The following LCORL variants were observed in gnomAD, a reference collection of about 807,000 sequenced individuals.
The protein encoded by LCORL is ligand-dependent nuclear receptor corepressor-like protein.
Under a neutral mutation model 141.8 loss-of-function variants are expected in LCORL, and 41 were observed. The observed-to-expected ratio is 0.29, with a 90% CI of 0.23 to 0.38. The LOEUF (loss-of-function observed/expected upper bound fraction) is 0.38. LCORL is among the 10% of genes least tolerant of loss of function. The pLI, the probability that LCORL is intolerant of heterozygous loss-of-function variation, is 1.00. For missense variants in LCORL, 1,759 were observed against 2,035.0 expected (o/e 0.86, Z 2.61); for synonymous variants, 618 against 694.1 (o/e 0.89, Z 1.72).
intron 5 of LCORL, among the ~76,000 whole-genome samples, chr4:17,905,225 T>C (rs1419711478): frequency 1.3e-5 from 2 of 152,162 alleles, no homozygotes; most frequent in Non-Finnish European, 2.9e-5. Flanking sequence ...CTTTAGGTTA[T>C]AATGTCTTTG....
chr4:17,933,164 A>G (rs1577462768), intron 4 of LCORL, among the ~76,000 whole-genome samples: 1 of 152,130 alleles, frequency 6.6e-6, no homozygotes, highest in Non-Finnish European at 1.5e-5. Context: ...TTCTGTGTCA[A>G]TAATCCCAGG....
intron 1 of LCORL, among the ~76,000 whole-genome samples, chr4:17,981,484 C>T (rs1056797919): frequency 6.6e-6 from 1 of 152,100 alleles, no homozygotes; most frequent in Non-Finnish European, 1.5e-5. Context: ...CAGCCAGACA[C>T]GGTGGCTCAC....
intron 4 of LCORL, chr4:17,912,454 G>T: frequency 5.3e-6 from 3 of 570,746 alleles, no homozygotes; most frequent in Non-Finnish European, 1.0e-5. Flanking sequence ...AGACATCTGG[G>T]CCCAATACGA....
intron 4 of LCORL, among the ~76,000 whole-genome samples, chr4:17,942,846 G>A (rs1038284132): frequency 6.6e-6 from 1 of 151,290 alleles, no homozygotes; most frequent in East Asian, 1.9e-4. Context: ...ATAGCAGGAG[G>A]TGAGCAGCCA....
intron 1 of LCORL, among the ~76,000 whole-genome samples, chr4:18,013,717 ATAC>A (rs1724171400): frequency 6.6e-6 from 1 of 152,236 alleles, no homozygotes; most frequent in Non-Finnish European, 1.5e-5. Flanking sequence ...CACCTTGCAC[ATAC>A]TAGTCAGAAA....
chr4:17,901,924 A>G (rs1730944825), intron 5 of LCORL, among the ~76,000 whole-genome samples: 1 of 152,082 alleles, frequency 6.6e-6, no homozygotes, highest in Non-Finnish European at 1.5e-5. Flanking sequence ...AAGAATAAGA[A>G]TATCAATGTG....
chr4:17,887,930 C>G (rs1381472687), intron 5 of LCORL, among the ~76,000 whole-genome samples: 1 of 152,068 alleles, frequency 6.6e-6, no homozygotes, highest in Non-Finnish European at 1.5e-5. Context: ...CCGGCAACCC[C>G]TCCTAATTCT....
chr4:17,881,379 C>T, intron 6 of LCORL: 1 of 979,664 alleles, frequency 1.0e-6, no homozygotes, highest in Non-Finnish European at 1.2e-6. Flanking sequence ...CCTGCCTTTC[C>T]TAGTTTGTAT....
At chr4:17,862,669 AT>A (rs1300622746) in intron 7 of LCORL, among the ~76,000 whole-genome samples, 3 of 152,242 alleles carry the variant, frequency 2.0e-5, no homozygotes, top group Admixed American at 2.0e-4. Flanking sequence ...CTGGCTAGCC[AT>A]ATACAGAAGA....
chr4:17,904,096 CCTAA>C (rs1275766624), intron 5 of LCORL, among the ~76,000 whole-genome samples: 11 of 151,822 alleles, frequency 7.2e-5, no homozygotes, highest in African/African-American at 2.7e-4. Flanking sequence ...TAGATATGAG[CCTAA>C]CTATTAGAGT....
chr4:17,892,077 T>C (rs1269302093), intron 5 of LCORL, among the ~76,000 whole-genome samples: 3 of 152,214 alleles, frequency 2.0e-5, no homozygotes, highest in Non-Finnish European at 4.4e-5. Flanking sequence ...AAAATTGTTT[T>C]GATTGTTACT....
At chr4:17,901,792 A>G (rs1385688084) in intron 5 of LCORL, among the ~76,000 whole-genome samples, 1 of 152,158 alleles carries the variant, frequency 6.6e-6, no homozygotes, top group African/African-American at 2.4e-5. Context: ...AAAAAGCATA[A>G]CAAGACCAAA....
chr4:17,905,264 T>C (rs1461232783), intron 5 of LCORL, among the ~76,000 whole-genome samples: 1 of 152,120 alleles, frequency 6.6e-6, no homozygotes, highest in Non-Finnish European at 1.5e-5. Flanking sequence ...TATTATTCTT[T>C]GTTTGATATT....
At chr4:17,892,197 ATTTTTTTTTTTCTTTTT>A (rs1729187417) in intron 5 of LCORL, among the ~76,000 whole-genome samples, 3 of 119,700 alleles carry the variant, frequency 2.5e-5, no homozygotes. Flanking sequence ...GTCAAATAGT[ATTTTTTTTTTTCTTTTT>A]TTTTTTTTTT....
intron 2 of LCORL, among the ~76,000 whole-genome samples, chr4:17,967,559 TA>T (rs1225815909): frequency 1.3e-5 from 2 of 152,156 alleles, no homozygotes; most frequent in African/African-American, 4.8e-5. Flanking sequence ...ATATTTTAGT[TA>T]AAAAAATTAA....
At chr4:17,970,589 C>A (rs1419840975) in intron 2 of LCORL, among the ~76,000 whole-genome samples, 1 of 152,180 alleles carries the variant, frequency 6.6e-6, no homozygotes, top group African/African-American at 2.4e-5. Context: ...CAGACAGCAG[C>A]CAGGAGCCCA....
chr4:17,932,978 T>C (rs1334178829), intron 4 of LCORL, among the ~76,000 whole-genome samples: 1 of 152,190 alleles, frequency 6.6e-6, no homozygotes, highest in African/African-American at 2.4e-5. Flanking sequence ...TTTCACTTAT[T>C]CTTTAACTTC....
intron 7 of LCORL, among the ~76,000 whole-genome samples, chr4:17,854,495 T>C (rs781053249): frequency 1.4e-4 from 21 of 152,194 alleles, no homozygotes; most frequent in Non-Finnish European, 1.2e-4. Flanking sequence ...ATTCTCATAA[T>C]CAGATATAAA....
At chr4:17,915,798 AGTT>A (rs1332750836) in intron 4 of LCORL, among the ~76,000 whole-genome samples, 1 of 152,194 alleles carries the variant, frequency 6.6e-6, no homozygotes, top group Middle Eastern at 3.2e-3. Flanking sequence ...GGTTTCTTCT[AGTT>A]AATTAAAGTG....
Sources: allele counts gnomAD v4.1 joint callset (sites outside exome capture counted in the v4.1 genomes callset), GRCh38; gene constraint gnomAD v4.1.1; transcripts MANE v1.5; gene names NCBI Gene and HGNC (gene_info 2026-07-23, HGNC 2026-07-21).